Variants in TMTC3 observed in about 807,000 individuals in gnomAD.
The protein encoded by TMTC3 is transmembrane O-mannosyltransferase targeting cadherins 3, also known as protein O-mannosyl-transferase TMTC3.
Under a neutral mutation model 92.2 loss-of-function variants are expected in TMTC3, and 52 were observed. The ratio of observed to expected loss-of-function variants is 0.56; its 90% CI spans 0.45 to 0.71. The LOEUF is 0.71. Among genes scored for constraint, TMTC3 ranks in the 30% least tolerant of loss-of-function variants. The pLI is 0.00. For synonymous variants in TMTC3, 339 were observed against 363.3 expected (o/e 0.93, Z 0.76); for missense variants, 896 against 1,057.1 (o/e 0.85, Z 2.11).
chr12:88,192,918 C>T (rs2041460866), intron 13 of TMTC3, 88 bp downstream of exon 13: 3 of 1,076,324 alleles, frequency 2.8e-6, no homozygotes, highest in Non-Finnish European at 3.9e-6. Flanking sequence ...CCATAGCAAA[C>T]ACTTTATGTA....
chr12:88,161,052 T>C (rs1466509778), intron 6 of TMTC3, among the ~76,000 whole-genome samples: 3 of 152,138 alleles, frequency 2.0e-5, no homozygotes, highest in Non-Finnish European at 4.4e-5. Flanking sequence ...GCCCCCACAA[T>C]AAAGATAATG....
chr12:88,178,335 A>G lies in TMTC3; in HGVS notation c.1432+2016A>G, dbSNP rs554043829. 3.9e-5 allele frequency among the ~76,000 whole-genome samples: 6 copies of G among 152,190 alleles called. 1 individual carries two copies. Among genetic ancestry groups the G allele is most frequent in the African/African-American group, 1.4e-4 (6 of 41,544 alleles). ...TTGGAATGTGGGATTAATGTCCTGT[A>G]CTTCCTTACTTCTTTGCCTTTATTT... On this transcript the variant is annotated intron_variant, in intron 10 of 13. Coordinates refer to ENST00000266712, the MANE Select transcript of TMTC3 (RefSeq NM_181783.4).
chr12:88,149,208 T>G (rs751688139), intron 2 of TMTC3, among the ~76,000 whole-genome samples: 6 of 152,144 alleles, frequency 3.9e-5, no homozygotes, highest in Non-Finnish European at 7.4e-5. Context: ...GTTCAATAAT[T>G]TAATATTTTA....
At chr12:88,185,523 T>C (rs985995304) in intron 10 of TMTC3, among the ~76,000 whole-genome samples, 5 of 152,152 alleles carry the variant, frequency 3.3e-5, no homozygotes, top group African/African-American at 1.2e-4. Context: ...TTTGGAGCTG[T>C]TACAAACATG....
At chr12:88,167,448 C>A (rs537324814) in intron 7 of TMTC3, among the ~76,000 whole-genome samples, 2 of 152,094 alleles carry the variant, frequency 1.3e-5, no homozygotes, top group Non-Finnish European at 2.9e-5. Context: ...GACAATAGTA[C>A]ATTTTCTCAG....
At chr12:88,192,494 T>G (rs2041455141) in intron 12 of TMTC3, 110 bp from the exon 13 acceptor site, 1 of 675,544 alleles carries the variant, frequency 1.5e-6, no homozygotes, top group African/African-American at 2.7e-5. Context: ...AGAGTCTGAG[T>G]TAAGAGAAAA....
chr12:88,167,389 G>A (rs981054659), intron 7 of TMTC3, among the ~76,000 whole-genome samples: 37 of 152,068 alleles, frequency 2.4e-4, no homozygotes, highest in African/African-American at 8.0e-4. Context: ...GGGCGACAGA[G>A]CAATACTCTT....
Position 88,195,914 on chromosome 12 carries a change from G to T in TMTC3, c.*265G>T. The T allele has an allele frequency of 3.9e-6, 1 of 258,600 alleles. No homozygotes were observed. Among genetic ancestry groups the T allele is most frequent in the Non-Finnish European group, 7.3e-6 (1 of 136,786 alleles). The allele number at this position is 258,600 out of a possible 1,614,324, so 16.0% of individuals were successfully genotyped here. A position where few individuals can be genotyped will look rare whatever the true frequency, so the allele number is the denominator to read the frequency against. On this transcript the variant is annotated 3_prime_UTR_variant, in exon 14 of 14. Transcript: ENST00000266712. ...TTTACAACTTTTATTATAGAAAGAA[G>T]GTGTTTCTGGCAATGTAATCTTTAC...
intron 10 of TMTC3, among the ~76,000 whole-genome samples, chr12:88,180,841 TCCATAAAA>T (rs1457407535): frequency 1.3e-5 from 2 of 152,216 alleles, no homozygotes; most frequent in East Asian, 3.9e-4. Context: ...TTTACATCTT[TCCATAAAA>T]CCACAGGTTT....
At chr12:88,186,394 A>G (rs150082312) in intron 10 of TMTC3, among the ~76,000 whole-genome samples, 228 of 152,278 alleles carry the variant, frequency 1.5e-3, no homozygotes, top group African/African-American at 5.1e-3. Flanking sequence ...TAGTGAAAAT[A>G]TGATATTAGA....
In TMTC3 at chr12:88,198,584, G is replaced by T; in HGVS notation, c.*2935G>T. The stretch of plus-strand genomic sequence containing the variant: ...TTGGTAACTTGGAGAGTAAAATAAC[G>T]TATTTTGCTTTTCAATTTTGTGTTT... On this transcript the variant is annotated 3_prime_UTR_variant, in exon 14 of 14. Coordinates refer to ENST00000266712, the MANE Select transcript of TMTC3 (RefSeq NM_181783.4). 5.1e-6 allele frequency: 2 copies of T among 393,238 alleles called. No individual in the cohort carries two copies. The highest frequency in any genetic ancestry group is 9.0e-6 in the Non-Finnish European group (2 of 222,842). 24.4% of individuals were successfully genotyped at this position (393,238 alleles called of 1,614,324 possible). A position where few individuals can be genotyped will look rare whatever the true frequency, so the allele number is the denominator to read the frequency against.
At chr12:88,160,951 A>G in intron 6 of TMTC3, 100 bp downstream of exon 6, 2 of 1,228,864 alleles carry the variant, frequency 1.6e-6, no homozygotes, top group Non-Finnish European at 2.3e-6. Context: ...GTTTTTTAAC[A>G]GTTTTATTAA....
intron 9 of TMTC3, among the ~76,000 whole-genome samples, chr12:88,174,970 G>T: frequency 6.6e-6 from 1 of 152,076 alleles, no homozygotes; most frequent in Non-Finnish European, 1.5e-5. Context: ...GTTATTGGAA[G>T]CTCAAATGAC....
At chr12:88,142,582 C>G (rs955371770) in intron 1 of TMTC3, 95 bp downstream of exon 1, 3 of 152,356 alleles carry the variant, frequency 2.0e-5, no homozygotes, top group Admixed American at 6.5e-5. Context: ...AGGGCCTGGT[C>G]CCATTCTGAA....
At chr12:88,167,658 A>T (rs1469492903) in intron 7 of TMTC3, among the ~76,000 whole-genome samples, 1 of 152,146 alleles carries the variant, frequency 6.6e-6, no homozygotes, top group Non-Finnish European at 1.5e-5. Context: ...GTTTCCAGAG[A>T]ACTTACATTC....
Position 88,153,317 on chromosome 12 carries a change from C to G in TMTC3, c.216C>G (p.Pro72=). The change falls in exon 3 of 14, where the codon CCC becomes CCG. Residue 72 remains proline (P), a synonymous_variant. Coordinates refer to ENST00000266712, the MANE Select transcript of TMTC3 (RefSeq NM_181783.4). ...AGAGAAGCCACAAGTCTTACCGTCC[C>G]TTAACAGTATTGACATTTCGCTTAA... is the stretch of plus-strand genomic sequence containing the variant. ...SEERSHKSYR[P]LTVLTFRLNY... is the part of the protein sequence containing the mutation. 9 of 1,612,824 alleles carry G rather than the reference C, an allele frequency of 5.6e-6. No individual in the cohort carries two copies. Among genetic ancestry groups the G allele is most frequent in the Non-Finnish European group, 7.6e-6 (9 of 1,179,548 alleles).
rs1463464665 is a variant in TMTC3, at chr12:88,166,583, G to A, written c.1050+1G>A. ...TGATTCCTCCAAGACTGTTTTAATG[G>A]TAAGAAACTTTTCTTAACTTCCAAA... On this transcript the variant is annotated splice_donor_variant, in intron 7 of 13. Transcript: ENST00000266712. LOFTEE classifies it high-confidence loss of function. 1 of 1,606,308 alleles carries A rather than the reference G, an allele frequency of 6.2e-7. No homozygotes were observed. The highest frequency in any genetic ancestry group is 8.5e-7 in the Non-Finnish European group (1 of 1,177,312).
At chr12:88,179,562 G>T (rs1592743346) in intron 10 of TMTC3, among the ~76,000 whole-genome samples, 1 of 152,244 alleles carries the variant, frequency 6.6e-6, no homozygotes, top group Non-Finnish European at 1.5e-5. Context: ...CTGGAGCCAG[G>T]AAAGGAGGTT....
At position 88,154,283 on chromosome 12, in the gene TMTC3, T is replaced by C; in HGVS notation, c.409-5T>C. On this transcript the variant is annotated splice_region_variant and splice_polypyrimidine_tract_variant and intron_variant, in intron 3 of 13. Transcript: ENST00000266712. ...ATATGAACCCCCTTCATTTTTCCTTTCTAGGTAACAGGAGTTGTTGGAAGA... is the reference window on the plus strand; with the variant it reads ...ATATGAACCCCCTTCATTTTTCCTTCCTAGGTAACAGGAGTTGTTGGAAGA... 1 of 1,594,218 alleles carries C rather than the reference T, an allele frequency of 6.3e-7. No homozygotes were observed. Among genetic ancestry groups the C allele is most frequent in the Non-Finnish European group, 8.5e-7 (1 of 1,172,390 alleles).
Sources: allele counts gnomAD v4.1 joint callset (sites outside exome capture counted in the v4.1 genomes callset), GRCh38; gene constraint gnomAD v4.1.1; transcripts MANE v1.5; gene names NCBI Gene and HGNC (gene_info 2026-07-23, HGNC 2026-07-21).